FAM117B: variants seen among roughly 807,000 people sequenced by gnomAD.
FAM117B encodes protein FAM117B.
In FAM117B, 22 loss-of-function variants were observed where a neutral mutation model predicts 52.8. That is an observed-to-expected ratio of 0.42 (90% CI 0.30 to 0.59). The LOEUF is 0.59. FAM117B is among the 20% of genes least tolerant of loss of function. The pLI, the probability that FAM117B is intolerant of heterozygous loss-of-function variation, is 0.22. For synonymous variants in FAM117B, 309 were observed against 324.1 expected (o/e 0.95, Z 0.50); for missense variants, 678 against 802.6 (o/e 0.84, Z 1.88).
At chr2:202,706,120 C>A (rs774984400) in intron 2 of FAM117B, among the ~76,000 whole-genome samples, 3 of 152,164 alleles carry the variant, frequency 2.0e-5, no homozygotes, top group Non-Finnish European at 4.4e-5. Flanking sequence ...AACTCCTTGG[C>A]TCAAGGGATC....
At chr2:202,715,308 C>G (rs986577308) in intron 2 of FAM117B, among the ~76,000 whole-genome samples, 111 of 151,496 alleles carry the variant, frequency 7.3e-4, no homozygotes, top group African/African-American at 2.5e-3. Flanking sequence ...GGGGCTGACC[C>G]CCACCTCCCT....
At chr2:202,702,811 C>T (rs1420016101) in intron 2 of FAM117B, among the ~76,000 whole-genome samples, 1 of 152,126 alleles carries the variant, frequency 6.6e-6, no homozygotes, top group African/African-American at 2.4e-5. Context: ...CCTCGGCCTC[C>T]CAAAGTGCTG....
chr2:202,709,604 T>C (rs1690928884), intron 2 of FAM117B, among the ~76,000 whole-genome samples: 1 of 152,232 alleles, frequency 6.6e-6, no homozygotes, highest in Non-Finnish European at 1.5e-5. Context: ...GCAAATATTT[T>C]CTTATTTCTT....
chr2:202,764,605 A>G (rs1559118545), intron 7 of FAM117B, among the ~76,000 whole-genome samples: 1 of 152,270 alleles, frequency 6.6e-6, no homozygotes, highest in East Asian at 1.9e-4. Context: ...AGAGATGAGA[A>G]TCAACCTAAG....
At chr2:202,722,982 C>T (rs983981891) in intron 2 of FAM117B, among the ~76,000 whole-genome samples, 3 of 151,992 alleles carry the variant, frequency 2.0e-5, no homozygotes, top group South Asian at 2.1e-4. Flanking sequence ...ACTTAAAGAG[C>T]CTGTGGATCC....
At chr2:202,642,605 T>A (rs919002487) in intron 1 of FAM117B, among the ~76,000 whole-genome samples, 44 of 152,110 alleles carry the variant, frequency 2.9e-4, no homozygotes, top group Admixed American at 2.5e-3. Context: ...GTTGTGGATG[T>A]ATTTGGTTTG....
At chr2:202,719,766 C>T (rs1052451950) in intron 2 of FAM117B, among the ~76,000 whole-genome samples, 5 of 152,150 alleles carry the variant, frequency 3.3e-5, no homozygotes, top group African/African-American at 1.2e-4. Context: ...GCACACATGG[C>T]ATTTACATGT....
chr2:202,746,984 A>G (rs1422266948), intron 4 of FAM117B, among the ~76,000 whole-genome samples: 1 of 151,880 alleles, frequency 6.6e-6, no homozygotes, highest in African/African-American at 2.4e-5. Flanking sequence ...ACAAAAACCC[A>G]CTATGGGCCA....
chr2:202,745,360 A>G (rs1691615418), intron 4 of FAM117B, among the ~76,000 whole-genome samples: 1 of 152,160 alleles, frequency 6.6e-6, no homozygotes. Flanking sequence ...TCAGCCCTAC[A>G]AGGAATACTT....
At chr2:202,673,431 C>CTTTTTTTTTTTTTTTTTTTTT (rs1690327997) in intron 1 of FAM117B, among the ~76,000 whole-genome samples, 3 of 31,188 alleles carry the variant, frequency 9.6e-5, no homozygotes, top group African/African-American at 5.0e-4. Flanking sequence ...TTTTCTTTTT[C>CTTTTTTTTTTTTTTTTTTTTT]TGTTTTTTTT....
intron 1 of FAM117B, among the ~76,000 whole-genome samples, chr2:202,640,874 G>T (rs551857670): frequency 1.5e-4 from 23 of 152,272 alleles, no homozygotes; most frequent in African/African-American, 5.3e-4. Context: ...GCCCCCCAAA[G>T]TGCTGGGATT....
At chr2:202,645,089 G>A (rs1419402886) in intron 1 of FAM117B, among the ~76,000 whole-genome samples, 2 of 151,736 alleles carry the variant, frequency 1.3e-5, no homozygotes, top group East Asian at 1.9e-4. Context: ...TCTAGTTTCC[G>A]TATCTTTATC....
chr2:202,748,574 AAAC>A (rs532149700), intron 4 of FAM117B, among the ~76,000 whole-genome samples: 71 of 152,302 alleles, frequency 4.7e-4, no homozygotes, highest in East Asian at 1.7e-3. Flanking sequence ...CAATAGCAAA[AAAC>A]AACAACAACA....
chr2:202,672,362 G>A (rs914187966), intron 1 of FAM117B, among the ~76,000 whole-genome samples: 3 of 152,026 alleles, frequency 2.0e-5, no homozygotes, highest in Admixed American at 6.6e-5. Flanking sequence ...ACAGGCGTGC[G>A]CCACCACGCC....
chr2:202,748,545 C>T (rs991102638), intron 4 of FAM117B, among the ~76,000 whole-genome samples: 4 of 151,982 alleles, frequency 2.6e-5, no homozygotes, highest in East Asian at 1.9e-4. Context: ...GAACTAACAT[C>T]GAGAATCTTC....
chr2:202,761,514 G>C (rs1031823155), intron 7 of FAM117B, among the ~76,000 whole-genome samples: 1 of 151,754 alleles, frequency 6.6e-6, no homozygotes, highest in Non-Finnish European at 1.5e-5. Flanking sequence ...TGGGTTTTTT[G>C]TTTTTGTTTT....
intron 1 of FAM117B, among the ~76,000 whole-genome samples, chr2:202,668,229 A>G (rs1205634924): frequency 1.4e-5 from 2 of 145,578 alleles, no homozygotes; most frequent in Non-Finnish European, 3.0e-5. Flanking sequence ...AATATAATAT[A>G]TATTAATATT....
chr2:202,652,682 A>G (rs527402150), intron 1 of FAM117B, among the ~76,000 whole-genome samples: 30 of 152,274 alleles, frequency 2.0e-4, no homozygotes, highest in African/African-American at 7.0e-4. Context: ...TTTCACTTCT[A>G]TAGAAAGCAG....
At chr2:202,709,089 C>G (rs1221925253) in intron 2 of FAM117B, among the ~76,000 whole-genome samples, 1 of 152,156 alleles carries the variant, frequency 6.6e-6, no homozygotes, top group Non-Finnish European at 1.5e-5. Context: ...TTATCTTTCC[C>G]CAATGACTAA....
Sources: allele counts gnomAD v4.1 joint callset (sites outside exome capture counted in the v4.1 genomes callset), GRCh38; gene constraint gnomAD v4.1.1; transcripts MANE v1.5; gene names NCBI Gene and HGNC (gene_info 2026-07-23, HGNC 2026-07-21).